Variants in SH3PXD2B observed in about 807,000 individuals in gnomAD.
SH3PXD2B encodes SH3 and PX domains 2B, also known as SH3 and PX domain-containing protein 2B.
Under a neutral mutation model 73.1 loss-of-function variants are expected in SH3PXD2B, and 37 were observed. The ratio of observed to expected loss-of-function variants is 0.51; its 90% confidence interval spans 0.39 to 0.67. The LOEUF is 0.67. Among genes scored for constraint, SH3PXD2B ranks in the 30% least tolerant of loss-of-function variants. The pLI is 0.00. For synonymous variants in SH3PXD2B, 457 were observed against 480.5 expected, an observed-to-expected ratio of 0.95 and a Z score of 0.64; for missense variants, 1,053 against 1,197.8, an observed-to-expected ratio of 0.88 and a Z score of 1.78.
intron 4 of SH3PXD2B, 135 bp from the exon 5 acceptor site, chr5:172,382,262 G>A (rs1281192051): frequency 1.5e-6 from 1 of 654,100 alleles, no homozygotes; most frequent in African/African-American, 1.8e-5. Context: ...GTTGCAGTGA[G>A]CTGAGATCGC....
chr5:172,387,720 A>C (rs891287522), intron 4 of SH3PXD2B, among the ~76,000 whole-genome samples: 3 of 152,342 alleles, frequency 2.0e-5, no homozygotes, highest in South Asian at 2.1e-4. Flanking sequence ...CTTGATAATA[A>C]ATACTTGTAT....
In SH3PXD2B at chr5:172,363,686, G is replaced by A. The variant is rs116717979; in HGVS notation, c.428-817C>T. ...CACACTCTGAGATGGGAAAGGACTT[G>A]GGGTCTTCGGGACTGGAAGGAGGCT... is the stretch of plus-strand genomic sequence containing the variant. On this transcript the variant is annotated intron_variant, in intron 6 of 12. Coordinates refer to ENST00000311601, the MANE Select transcript of SH3PXD2B (RefSeq NM_001017995.3). 5.7e-3 allele frequency among the ~76,000 whole-genome samples: 873 copies of A among 152,208 alleles called. 9 individuals carry two copies. Among genetic ancestry groups the A allele is most frequent in the African/African-American group, 0.02 (828 of 41,526 alleles).
In SH3PXD2B at chr5:172,339,695, C is replaced by T; in HGVS notation, c.1410G>A (p.Leu470=). The T allele has an allele frequency of 1.2e-6, 2 of 1,614,240 alleles. No homozygotes were observed. Among genetic ancestry groups the T allele is most frequent in the Non-Finnish European group, 1.7e-6 (2 of 1,180,042 alleles). Residue 470 remains leucine, a synonymous_variant, in exon 13 of 13, where the codon CTG becomes CTA. Transcript: ENST00000311601. The surrounding 1 kb of genome is among the most constrained non-coding windows in gnomAD (Gnocchi z 6.1). The part of the protein sequence containing the change: ...GSEATGPSRP[L]PDAPHGVMDS... Reference sequence around the variant, plus strand: ...CCATGACACCATGCGGTGCGTCAGGCAGGGGCCGGGAGGGGCCCGTGGCTT... The same window carrying T: ...CCATGACACCATGCGGTGCGTCAGGTAGGGGCCGGGAGGGGCCCGTGGCTT...
Position 172,338,739 on chromosome 5 carries a change from C to G in SH3PXD2B, c.2366G>C (p.Arg789Thr). ...AGCACGGCCTGGGGTGGGAGCTGCC[C>G]TGCTTTCGTGGCCTTCACACTGTGG... ...RGPQCEGHES[R>T]AAPTPGRALL... Residue 789 changes from arginine (R) to threonine (T), a missense_variant, in exon 13 of 13, where the codon AGG becomes ACG. By Grantham distance (71) the Arg-to-Thr change is moderately conservative (BLOSUM62 -1). Around this residue, in one of 2 missense-constraint regions of SH3PXD2B, gnomAD observed 587 missense variants for 590.7 expected, o/e 0.99. Coordinates refer to ENST00000311601, the MANE Select transcript of SH3PXD2B (RefSeq NM_001017995.3). The surrounding 1 kb of genome is among the most constrained non-coding windows in gnomAD (Gnocchi z 5.1). 6.2e-7 allele frequency: 1 copy of G among 1,614,206 alleles called. No homozygotes were observed. Among genetic ancestry groups the G allele is most frequent in the South Asian group, 1.1e-5 (1 of 91,086 alleles).
In SH3PXD2B at chr5:172,419,764, AT is replaced by A. The variant is rs1219092917; in HGVS notation, c.156+2651del. Among the ~76,000 whole-genome samples the A allele has an allele frequency of 1.4e-4, 21 of 152,246 alleles. No individual in the cohort carries two copies. In the East Asian group the frequency reaches 2.9e-3, roughly 21 times the overall value. On this transcript the variant is annotated intron_variant, in intron 2 of 12. Transcript: ENST00000311601. ...AGTGGGCTTTGCTCGGTGGATGTAA[AT>A]AATTCCTGGGATAACAATCAGGTGT...
chr5:172,402,817 G>A (rs531264923), intron 3 of SH3PXD2B, among the ~76,000 whole-genome samples: 1 of 152,222 alleles, frequency 6.6e-6, no homozygotes, highest in South Asian at 2.1e-4. Flanking sequence ...CTTGCAAAGG[G>A]GCAATTACTT....
chr5:172,335,109 G>A lies in SH3PXD2B; in HGVS notation c.*3260C>T, dbSNP rs983324239. On this transcript the variant is annotated 3_prime_UTR_variant, in exon 13 of 13. Transcript: ENST00000311601. Reference sequence around the variant, plus strand: ...TTCCGAGCAGAACATGTGAGCAAAGGCCTCTTTTATCAAGAGGTGGTCTTA... The same window carrying A: ...TTCCGAGCAGAACATGTGAGCAAAGACCTCTTTTATCAAGAGGTGGTCTTA... 2.0e-6 allele frequency: 2 copies of A among 986,058 alleles called. No homozygotes were observed. The highest frequency in any genetic ancestry group is 2.4e-6 in the Non-Finnish European group (2 of 830,426). The allele number at this position is 986,058 out of a possible 1,614,324, so 61.1% of individuals were successfully genotyped here.
chr5:172,414,456 TAAAAAAA>T (rs1007937801), intron 2 of SH3PXD2B, among the ~76,000 whole-genome samples: 8 of 77,554 alleles, frequency 1.0e-4, no homozygotes, highest in South Asian at 5.4e-4. Context: ...GACTCCATCT[TAAAAAAA>T]AAAAAAAAAA....
Position 172,333,906 on chromosome 5 carries a change from G to A in SH3PXD2B, c.*4463C>T. 7.9e-7 allele frequency: 1 copy of A among 1,264,740 alleles called. No homozygotes were observed. Among genetic ancestry groups the A allele is most frequent in the South Asian group, 1.3e-5 (1 of 76,748 alleles). 78.3% of individuals were successfully genotyped at this position (1,264,740 alleles called of 1,614,324 possible). On this transcript the variant is annotated 3_prime_UTR_variant, in exon 13 of 13. Transcript: ENST00000311601. ...CTAACAATAATTACACGGGCACAAA[G>A]GCATACATGGGCACACACTGGGGTA...
chr5:172,379,851 G>A (rs1236280317), intron 5 of SH3PXD2B, among the ~76,000 whole-genome samples: 1 of 152,142 alleles, frequency 6.6e-6, no homozygotes, highest in Non-Finnish European at 1.5e-5. Context: ...TTCGAACCTG[G>A]GTGTACTAGA....
chr5:172,381,262 C>T (rs1014080959), intron 5 of SH3PXD2B, among the ~76,000 whole-genome samples: 1 of 152,174 alleles, frequency 6.6e-6, no homozygotes, highest in Non-Finnish European at 1.5e-5. Context: ...CAGCCCTTCT[C>T]GAATGAGCCC....
intron 1 of SH3PXD2B, among the ~76,000 whole-genome samples, chr5:172,451,696 A>G (rs1759799170): frequency 6.6e-6 from 1 of 152,232 alleles, no homozygotes; most frequent in African/African-American, 2.4e-5. Flanking sequence ...CTTCAGAAAA[A>G]GGGATACCAA....
intron 3 of SH3PXD2B, among the ~76,000 whole-genome samples, chr5:172,396,949 G>T (rs1758316116): frequency 6.6e-6 from 1 of 151,934 alleles, no homozygotes; most frequent in Non-Finnish European, 1.5e-5. Context: ...CTCAAAAAAA[G>T]AAAGAAAAAA....
chr5:172,372,672 T>G (rs896021855), intron 6 of SH3PXD2B, among the ~76,000 whole-genome samples: 2 of 152,130 alleles, frequency 1.3e-5, no homozygotes, highest in Non-Finnish European at 2.9e-5. Context: ...ACAAATATGA[T>G]TATAAATCCT....
At chr5:172,427,168 A>C (rs1479976098) in intron 1 of SH3PXD2B, among the ~76,000 whole-genome samples, 2 of 152,230 alleles carry the variant, frequency 1.3e-5, no homozygotes, top group Non-Finnish European at 2.9e-5. Context: ...CAGCTCTAAA[A>C]AGAGAAAATT....
chr5:172,368,584 ATATAAAATATGT>A (rs1757609008), intron 6 of SH3PXD2B, among the ~76,000 whole-genome samples: 1 of 14,272 alleles, frequency 7.0e-5, no homozygotes, highest in African/African-American at 5.6e-4. Context: ...TTATATATAT[ATATAAAATATGT>A]TATATATATA....
In SH3PXD2B at chr5:172,337,608, G is replaced by C. The variant is rs1462232807; in HGVS notation, c.*761C>G. The C allele has an allele frequency of 8.8e-5, 87 of 985,466 alleles. No individual in the cohort carries two copies. Among genetic ancestry groups the C allele is most frequent in the Non-Finnish European group, 1.0e-4 (85 of 830,048 alleles). 61.0% of individuals were successfully genotyped at this position (985,466 alleles called of 1,614,324 possible). A position where few individuals can be genotyped will look rare whatever the true frequency, so the allele number is the denominator to read the frequency against. On this transcript the variant is annotated 3_prime_UTR_variant, in exon 13 of 13. Coordinates refer to ENST00000311601, the MANE Select transcript of SH3PXD2B (RefSeq NM_001017995.3). Reference sequence around the variant, plus strand: ...CAAAAATGAAATGCTCCAAGTTGGGGTGGGAACTCTCATTGAAAAGCCCTG... The same window carrying C: ...CAAAAATGAAATGCTCCAAGTTGGGCTGGGAACTCTCATTGAAAAGCCCTG...
chr5:172,386,627 TTTTG>T (rs1370821869), intron 4 of SH3PXD2B, among the ~76,000 whole-genome samples: 3 of 152,106 alleles, frequency 2.0e-5, no homozygotes, highest in African/African-American at 7.2e-5. Context: ...ATTTGTTTTG[TTTTG>T]TTTGTTTGCT....
At chr5:172,361,206 C>T (rs1757397547) in intron 7 of SH3PXD2B, among the ~76,000 whole-genome samples, 1 of 152,038 alleles carries the variant, frequency 6.6e-6, no homozygotes, top group Non-Finnish European at 1.5e-5. Flanking sequence ...TACACACACG[C>T]ACACATACAC....
Sources: allele counts gnomAD v4.1 joint callset (sites outside exome capture counted in the v4.1 genomes callset), GRCh38; gene constraint gnomAD v4.1.1; regional missense constraint gnomAD v4.1.1; non-coding constraint Gnocchi (gnomAD v3.1); transcripts MANE v1.5; gene names NCBI Gene and HGNC (gene_info 2026-07-23, HGNC 2026-07-21).